The following LIMCH1 variants were observed in gnomAD, a reference collection of about 807,000 sequenced individuals.
LIMCH1 encodes LIM and calponin homology domains-containing protein 1.
A neutral mutation model predicts 176.5 loss-of-function variants in LIMCH1; 113 were observed. The observed-to-expected ratio is 0.64, with a 90% CI of 0.55 to 0.75. LIMCH1 has a LOEUF of 0.75. Among genes scored for constraint, LIMCH1 ranks in the 30% least tolerant of loss-of-function variants. The pLI is 0.00. For missense variants in LIMCH1, 1,674 were observed against 1,814.9 expected, an observed-to-expected ratio of 0.92 and a Z score of 1.41; for synonymous variants, 619 against 645.9, an observed-to-expected ratio of 0.96 and a Z score of 0.63.
At chr4:41,467,158 T>TACACACACACACACAC in intron 1 of LIMCH1, among the ~76,000 whole-genome samples, 1 of 143,550 alleles carries the variant, frequency 7.0e-6, no homozygotes, top group African/African-American at 2.6e-5. Context: ...TATGTATATA[T>TACACACACACACACAC]ACACACACAC....
At chr4:41,586,783 CTCAAATGAGCTTGAATG>C (rs1350535220) in intron 1 of LIMCH1, among the ~76,000 whole-genome samples, 1 of 152,096 alleles carries the variant, frequency 6.6e-6, no homozygotes, top group Non-Finnish European at 1.5e-5. Context: ...GGTATTGCCC[CTCAAATGAGCTTGAATG>C]TCAAGTCCTT....
At chr4:41,677,452 T>G (rs1489332935) in intron 23 of LIMCH1, among the ~76,000 whole-genome samples, 1 of 152,118 alleles carries the variant, frequency 6.6e-6, no homozygotes, top group Admixed American at 6.6e-5. Flanking sequence ...TTGCTCTACC[T>G]TTGGGTAAAA....
At chr4:41,608,425 T>A (rs2091010066) in intron 4 of LIMCH1, among the ~76,000 whole-genome samples, 1 of 152,250 alleles carries the variant, frequency 6.6e-6, no homozygotes, top group Non-Finnish European at 1.5e-5. Flanking sequence ...GGAGAGCAGA[T>A]ATTGAGGGAC....
At chr4:41,388,834 G>A (rs144166985) in intron 1 of LIMCH1, among the ~76,000 whole-genome samples, 50 of 152,214 alleles carry the variant, frequency 3.3e-4, no homozygotes, top group Middle Eastern at 3.4e-3. Context: ...ATAGAGATGG[G>A]GTTTTGCCAT....
chr4:41,680,689 T>C (rs1017364734), intron 24 of LIMCH1, among the ~76,000 whole-genome samples: 4 of 152,230 alleles, frequency 2.6e-5, no homozygotes, highest in African/African-American at 9.6e-5. Context: ...AGATCCCTAA[T>C]AGCATTTCTA....
intron 1 of LIMCH1, among the ~76,000 whole-genome samples, chr4:41,400,916 A>C (rs972250339): frequency 6.6e-6 from 1 of 152,136 alleles, no homozygotes; most frequent in Non-Finnish European, 1.5e-5. Flanking sequence ...AGTTCATTGT[A>C]GATTCTGGAT....
intron 1 of LIMCH1, among the ~76,000 whole-genome samples, chr4:41,361,828 AC>A (rs34959906): frequency 0.079 from 11,961 of 152,048 alleles, 566 homozygotes; most frequent in Middle Eastern, 0.13. Flanking sequence ...GGGAAAGGTG[AC>A]CCCCTATGAT....
At chr4:41,634,724 G>C (rs918622954) in intron 13 of LIMCH1, among the ~76,000 whole-genome samples, 2 of 152,172 alleles carry the variant, frequency 1.3e-5, no homozygotes, top group African/African-American at 4.8e-5. Flanking sequence ...GCTCCCTCAA[G>C]CTCACCTTGT....
chr4:41,529,907 A>G (rs2077070785), intron 3 of LIMCH1, among the ~76,000 whole-genome samples: 1 of 152,182 alleles, frequency 6.6e-6, no homozygotes, highest in African/African-American at 2.4e-5. Flanking sequence ...GACTGGTCAG[A>G]TGATCCTACC....
intron 1 of LIMCH1, among the ~76,000 whole-genome samples, chr4:41,574,821 C>G (rs1419146442): frequency 1.3e-5 from 2 of 152,116 alleles, no homozygotes; most frequent in Non-Finnish European, 2.9e-5. Context: ...GGTTTAAATC[C>G]CATCTCTACC....
chr4:41,369,656 T>A (rs1369767143), intron 1 of LIMCH1, among the ~76,000 whole-genome samples: 1 of 152,188 alleles, frequency 6.6e-6, no homozygotes, highest in Non-Finnish European at 1.5e-5. Context: ...GAAAAGTTGC[T>A]GTATTTTACT....
rs543335904 is a variant in LIMCH1 at position 41,516,764 on chromosome 4, C to G, written c.168-7645C>G. 1.7e-4 allele frequency among the ~76,000 whole-genome samples: 26 copies of G among 152,250 alleles called. No homozygotes were observed. The South Asian group carries it at 5.0e-3, about 29-fold the overall frequency. The stretch of plus-strand genomic sequence containing the variant: ...GCAAGAAGAGGTTTTATTTTTCCCC[C>G]TAGAAAATGTGGGAAAATAAAAATT... On this transcript the variant is annotated intron_variant, in intron 2 of 26. Coordinates refer to the LIMCH1 transcript ENST00000313860.
chr4:41,623,846 C>A (rs2092759167), intron 7 of LIMCH1, among the ~76,000 whole-genome samples: 1 of 152,162 alleles, frequency 6.6e-6, no homozygotes, highest in South Asian at 2.1e-4. Context: ...TTCAAGCTTC[C>A]TGTCAAACAA....
chr4:41,371,902 G>A (rs1452208168), intron 1 of LIMCH1, among the ~76,000 whole-genome samples: 1 of 152,174 alleles, frequency 6.6e-6, no homozygotes, highest in Non-Finnish European at 1.5e-5. Context: ...TTACATATGC[G>A]ATTGGGAAAT....
chr4:41,386,531 CT>C (rs992839801), intron 1 of LIMCH1, among the ~76,000 whole-genome samples: 1 of 151,912 alleles, frequency 6.6e-6, no homozygotes, highest in Admixed American at 6.6e-5. Flanking sequence ...ACAAGTGATG[CT>C]TTTTTTTGGC....
At chr4:41,481,062 A>G (rs948062042) in intron 1 of LIMCH1, among the ~76,000 whole-genome samples, 4 of 152,062 alleles carry the variant, frequency 2.6e-5, no homozygotes, top group Admixed American at 2.6e-4. Flanking sequence ...GTGTCTATAA[A>G]CAGTACCTTC....
Position 41,613,784 on chromosome 4 carries a change from T to C in LIMCH1, c.205+123T>C, listed in dbSNP as rs2091750031. ...CCATATCCACCTTGCCGGAACTTAG[T>C]AATTCTATAAACTGGCAGAAAAAAG... On this transcript the variant is annotated intron_variant, in intron 5 of 31. Transcript: ENST00000503057. The C allele has an allele frequency of 6.5e-6, 5 of 772,426 alleles. No homozygotes were observed. In the East Asian group the frequency reaches 1.0e-4, roughly 16 times the overall value. 47.8% of individuals were successfully genotyped at this position (772,426 alleles called of 1,614,324 possible).
intron 8 of LIMCH1, among the ~76,000 whole-genome samples, chr4:41,627,742 G>A (rs2093060808): frequency 6.6e-6 from 1 of 152,144 alleles, no homozygotes; most frequent in African/African-American, 2.4e-5. Context: ...ATTTCATTTA[G>A]GGAACCTACT....
rs1406688697 is a variant in LIMCH1 at position 41,391,777 on chromosome 4, A to G, written c.96+30841A>G. On this transcript the variant is annotated intron_variant, in intron 1 of 26. Coordinates refer to the LIMCH1 transcript ENST00000313860. ...CTGAGAAGCTATCACAGATTGATGG[A>G]GACTAAGGGGTCATGATAACTAAAT... 2.0e-5 allele frequency among the ~76,000 whole-genome samples: 3 copies of G among 152,188 alleles called. No homozygotes were observed. In the East Asian group the frequency reaches 5.8e-4, roughly 29 times the overall value.
Sources: gnomAD v4.1 joint callset for allele counts (sites outside exome capture counted in the v4.1 genomes callset) on GRCh38, gnomAD v4.1.1 for gene constraint, MANE v1.5 for transcripts, NCBI Gene and HGNC (gene_info 2026-07-23, HGNC 2026-07-21) for gene names.